The following PDE3A variants were observed in gnomAD, a reference collection of about 807,000 sequenced individuals.
PDE3A encodes the protein phosphodiesterase 3A, also known as cGMP-inhibited 3',5'-cyclic phosphodiesterase 3A.
In PDE3A, 43 loss-of-function variants were observed where a neutral mutation model predicts 98.3. The observed-to-expected ratio is 0.44, with a 90% CI of 0.34 to 0.56. The LOEUF (loss-of-function observed/expected upper bound fraction) is 0.56. PDE3A is among the 20% of genes least tolerant of loss of function. The probability of loss-of-function intolerance (pLI) is 0.01; values close to 1 mark genes in which losing one functional copy is unlikely to be tolerated. For missense variants in PDE3A, 1,427 were observed against 1,440.7 expected, an observed-to-expected ratio of 0.99 and a Z score of 0.15; for synonymous variants, 663 against 567.9, an observed-to-expected ratio of 1.17 and a Z score of -2.38.
intron 1 of PDE3A, among the ~76,000 whole-genome samples, chr12:20,404,015 A>G (rs1386690994): frequency 6.6e-6 from 1 of 152,060 alleles, no homozygotes; most frequent in Non-Finnish European, 1.5e-5. Context: ...CTCTTCCTGG[A>G]ATTTTTCTGT....
At chr12:20,539,137 A>C in intron 1 of PDE3A, among the ~76,000 whole-genome samples, 1 of 152,158 alleles carries the variant, frequency 6.6e-6, no homozygotes, top group East Asian at 1.9e-4. Flanking sequence ...CTTATCTAAA[A>C]GGGACCAAAA....
chr12:20,489,389 T>C (rs1428873357), intron 1 of PDE3A, among the ~76,000 whole-genome samples: 1 of 152,182 alleles, frequency 6.6e-6, no homozygotes, highest in Non-Finnish European at 1.5e-5. Context: ...GAGGTGGGCA[T>C]GAGAAATGAC....
chr12:20,511,445 CAT>C (rs61454814), intron 1 of PDE3A, among the ~76,000 whole-genome samples: 3 of 148,588 alleles, frequency 2.0e-5, no homozygotes, highest in Admixed American at 6.7e-5. Context: ...CACACACACA[CAT>C]ACACACACAC....
intron 10 of PDE3A, among the ~76,000 whole-genome samples, chr12:20,644,352 C>T (rs190324447): frequency 2.0e-5 from 3 of 152,222 alleles, no homozygotes; most frequent in Admixed American, 6.5e-5. Context: ...ACAAATTCAC[C>T]GTGTATCTGG....
intron 15 of PDE3A, among the ~76,000 whole-genome samples, chr12:20,658,480 AT>A (rs1945091510): frequency 6.6e-6 from 1 of 152,240 alleles, no homozygotes; most frequent in African/African-American, 2.4e-5. Context: ...TTTGTTAAAA[AT>A]GGCAACGAAG....
At chr12:20,425,721 A>G (rs935958314) in intron 1 of PDE3A, among the ~76,000 whole-genome samples, 1 of 152,202 alleles carries the variant, frequency 6.6e-6, no homozygotes, top group African/African-American at 2.4e-5. Flanking sequence ...ATATAGAAAT[A>G]TGATGATGAC....
At position 20,552,417 on chromosome 12, in the gene PDE3A, C is replaced by A; in HGVS notation, c.961-4243C>A. ...GCCCTTGGACGAAGGAGGGGAAGGACCGGATCAAGAAGCTGGGGCTGACCA... is the reference window on the plus strand; with the variant it reads ...GCCCTTGGACGAAGGAGGGGAAGGAACGGATCAAGAAGCTGGGGCTGACCA... On this transcript the variant is annotated intron_variant, in intron 1 of 15. Coordinates refer to ENST00000359062, the MANE Select transcript of PDE3A (RefSeq NM_000921.5). The surrounding 1 kb of genome is among the most constrained non-coding windows in gnomAD (Gnocchi z 5.1). 1 of 1,612,908 alleles carries A rather than the reference C, an allele frequency of 6.2e-7. No homozygotes were observed. The highest frequency in any genetic ancestry group is 8.5e-7 in the Non-Finnish European group (1 of 1,179,774).
chr12:20,465,712 A>G (rs1451273430), intron 1 of PDE3A, among the ~76,000 whole-genome samples: 1 of 152,120 alleles, frequency 6.6e-6, no homozygotes, highest in East Asian at 1.9e-4. Context: ...CCCAGCCAGT[A>G]CTTTTATTTT....
At chr12:20,458,388 A>G (rs527721890) in intron 1 of PDE3A, among the ~76,000 whole-genome samples, 69 of 152,104 alleles carry the variant, frequency 4.5e-4, no homozygotes, top group Non-Finnish European at 8.7e-4. Context: ...TTTCCAAAAA[A>G]AAAAAACCAA....
Position 20,369,969 on chromosome 12 carries a change from T to C in PDE3A, c.685T>C (p.Leu229=). 6.2e-7 allele frequency: 1 copy of C among 1,613,384 alleles called. No individual in the cohort carries two copies. Among genetic ancestry groups the C allele is most frequent in the South Asian group, 1.1e-5 (1 of 91,072 alleles). ...SAVRTVSLIS[L]ERFKVAWRPY... is the part of the protein sequence containing the mutation. ...GGTCAGGACCGTGTCCCTCATTTCC[T>C]TAGAGAGGTTCAAGGTCGCCTGGAG... Residue 229 remains leucine (L), a synonymous_variant, in exon 1 of 16, where the codon TTA becomes CTA. Transcript: ENST00000359062.
chr12:20,560,816 C>T (rs1405241094), intron 2 of PDE3A, among the ~76,000 whole-genome samples: 1 of 152,198 alleles, frequency 6.6e-6, no homozygotes, highest in African/African-American at 2.4e-5. Context: ...CCAGAGTGGT[C>T]CTTTTGGCAC....
At chr12:20,412,530 T>C (rs11045226) in intron 1 of PDE3A, among the ~76,000 whole-genome samples, 94,051 of 152,024 alleles carry the variant, frequency 0.62, 30,874 homozygotes, top group East Asian at 0.88. Flanking sequence ...TAGATACATA[T>C]GTAAGAAAGT....
intron 1 of PDE3A, among the ~76,000 whole-genome samples, chr12:20,464,500 G>A (rs928120008): frequency 1.3e-5 from 2 of 151,882 alleles, no homozygotes; most frequent in African/African-American, 4.8e-5. Flanking sequence ...TATCTTTTCT[G>A]TACTTCAGTA....
intron 1 of PDE3A, among the ~76,000 whole-genome samples, chr12:20,507,588 C>G (rs1359571218): frequency 2.0e-5 from 3 of 152,012 alleles, no homozygotes; most frequent in Admixed American, 6.6e-5. Flanking sequence ...ACAGACGCCT[C>G]ATACTCCAAA....
intron 1 of PDE3A, among the ~76,000 whole-genome samples, chr12:20,393,772 C>T (rs1303892915): frequency 6.6e-6 from 1 of 152,054 alleles, no homozygotes; most frequent in Non-Finnish European, 1.5e-5. Context: ...ATGAACTTTT[C>T]ATCCTAGGTG....
intron 1 of PDE3A, among the ~76,000 whole-genome samples, chr12:20,533,566 C>G (rs1941669007): frequency 6.6e-6 from 1 of 151,352 alleles, no homozygotes; most frequent in Admixed American, 6.6e-5. Flanking sequence ...ACTGCAAGCT[C>G]CGCCTCCCGG....
At chr12:20,513,899 T>G (rs1946271384) in intron 1 of PDE3A, among the ~76,000 whole-genome samples, 1 of 152,262 alleles carries the variant, frequency 6.6e-6, no homozygotes, top group African/African-American at 2.4e-5. Context: ...ACTGTTAACT[T>G]TTTTTGGCTT....
intron 1 of PDE3A, among the ~76,000 whole-genome samples, chr12:20,480,507 T>C (rs1188100216): frequency 2.0e-5 from 3 of 152,190 alleles, no homozygotes; most frequent in Non-Finnish European, 4.4e-5. Context: ...ATGTTATTTC[T>C]CAAAGAAATA....
chr12:20,490,600 G>A (rs1591984373), intron 1 of PDE3A, among the ~76,000 whole-genome samples: 1 of 152,266 alleles, frequency 6.6e-6, no homozygotes, highest in East Asian at 1.9e-4. Flanking sequence ...ATACCTTATA[G>A]AGTTTAGAGA....
Sources: allele counts gnomAD v4.1 joint callset (sites outside exome capture counted in the v4.1 genomes callset), GRCh38; gene constraint gnomAD v4.1.1; non-coding constraint Gnocchi (gnomAD v3.1); transcripts MANE v1.5; gene names NCBI Gene and HGNC (gene_info 2026-07-23, HGNC 2026-07-21).